Variants in GNL3L observed in about 807,000 individuals in gnomAD.
GNL3L encodes the protein guanine nucleotide-binding protein-like 3-like protein.
In GNL3L, 4 loss-of-function variants were observed where a neutral mutation model predicts 42.9. The ratio of observed to expected loss-of-function variants is 0.09; its 90% CI spans 0.05 to 0.21. The LOEUF is 0.21. Among genes scored for constraint, GNL3L ranks in the 10% least tolerant of loss-of-function variants. The pLI is 1.00. For synonymous variants in GNL3L, 159 were observed against 176.3 expected (o/e 0.90, Z 0.78); for missense variants, 412 against 481.7 (o/e 0.86, Z 1.36).
intron 16 of GNL3L, among the ~76,000 whole-genome samples, chrX:54,579,181 C>G (rs192627176): frequency 1.8e-5 from 2 of 111,432 alleles, no homozygotes; most frequent in Admixed American, 9.6e-5. Context: ...TTTTTATTCT[C>G]TTAACCATGT....
At chrX:54,582,132 A>G (rs1925724080) in intron 16 of GNL3L, among the ~76,000 whole-genome samples, 2 of 110,990 alleles carry the variant, frequency 1.8e-5, no homozygotes, top group South Asian at 7.7e-4. Context: ...AATAGCTTAA[A>G]TCTCCCCCTT....
At chrX:54,636,764 A>G in the GNL3L span, among the ~76,000 whole-genome samples, 3,103 of 111,767 alleles carry the variant, frequency 0.028, 108 homozygotes, top group African/African-American at 0.097. Flanking sequence ...TCTTTATCCA[A>G]TCCACTGTTG....
the GNL3L span, among the ~76,000 whole-genome samples, chrX:54,642,762 C>G: frequency 7.2e-5 from 8 of 111,437 alleles, no homozygotes; most frequent in African/African-American, 2.6e-4. Flanking sequence ...CCCTGCATAG[C>G]CCTTGTCACT....
chrX:54,543,360 T>C lies in GNL3L; in HGVS notation c.526+18T>C. 2 of 1,207,982 alleles carry C rather than the reference T, an allele frequency of 1.7e-6. No homozygotes were observed. Among genetic ancestry groups the C allele is most frequent in the South Asian group, 1.8e-5 (1 of 56,740 alleles). On this transcript the variant is annotated intron_variant, in intron 7 of 15. Transcript: ENST00000360845. The stretch of plus-strand genomic sequence containing the variant: ...CAAGATTGGTGGGTGTTAGGCAGGA[T>C]TGGGTGTGACAGGGAAGGTGGGCAG...
chrX:54,530,563 T>C (rs1389884763), intron 1 of GNL3L, 144 bp downstream of exon 1: 1 of 111,592 alleles, frequency 9.0e-6, no homozygotes, highest in East Asian at 2.9e-4. Context: ...TAGAAAGGTG[T>C]AGACCCGGGA....
At chrX:54,591,263 C>T (rs1439809348) in intron 16 of GNL3L, among the ~76,000 whole-genome samples, 1 of 110,802 alleles carries the variant, frequency 9.0e-6, no homozygotes, top group Non-Finnish European at 1.9e-5. Flanking sequence ...AGACTGTCTT[C>T]CCCCCAGTGT....
rs555296866 is a variant in GNL3L, at chrX:54,566,234, G to A, written c.*5632G>A. 1.1e-3 allele frequency among the ~76,000 whole-genome samples: 124 copies of A among 111,465 alleles called. No individual in the cohort carries two copies. The highest frequency in any genetic ancestry group is 3.9e-3 in the African/African-American group (120 of 30,707). ...ATGGTAAAATACACAGAACATAAAC[G>A]TTACCATCTGATATGGTTTGGCTGT... On this transcript the variant is annotated 3_prime_UTR_variant, in exon 16 of 16. Coordinates refer to ENST00000360845, the MANE Select transcript of GNL3L (RefSeq NM_001184819.2).
chrX:54,628,978 A>AATATAATTTATATATAAAAATTATATAT, the GNL3L span, among the ~76,000 whole-genome samples: 1 of 99,554 alleles, frequency 1.0e-5, no homozygotes, highest in African/African-American at 3.9e-5. Flanking sequence ...ATAATTATAA[A>AATATAATTTATATATAAAAATTATATAT]ATATAATTTA....
chrX:54,551,901 T>C lies in GNL3L; in HGVS notation c.1108T>C (p.Leu370=). The change falls in exon 12 of 16, where the codon TTG becomes CTG. Residue 370 remains leucine, a synonymous_variant. Transcript: ENST00000360845. ...CTTTCTGACGGCAGTGGCCCACCGT[T>C]TGGGGAAGAAGAAGAAGGGAGGCTT... ...EHFLTAVAHR[L]GKKKKGGLYS... 8.3e-7 allele frequency: 1 copy of C among 1,210,783 alleles called. No homozygotes were observed. The highest frequency in any genetic ancestry group is 1.1e-6 in the Non-Finnish European group (1 of 894,498).
Position 54,552,286 on chromosome X carries a change from A to G in GNL3L, c.1182-6A>G, listed in dbSNP as rs1253188885. The G allele has an allele frequency of 3.3e-6, 4 of 1,206,089 alleles. No individual in the cohort carries two copies. The highest frequency in any genetic ancestry group is 3.4e-6 in the Non-Finnish European group (3 of 890,413). On this transcript the variant is annotated splice_region_variant and splice_polypyrimidine_tract_variant and intron_variant, in intron 12 of 15. Transcript: ENST00000360845. ...CACCACTCATCTCCCCTATCTCCCA[A>G]TGCAGCGGGAAGATCAGCTTCTATA...
chrX:54,622,012 A>G (rs1985418703), downstream of GNL3L, among the ~76,000 whole-genome samples: 1 of 110,863 alleles, frequency 9.0e-6, no homozygotes, highest in Non-Finnish European at 1.9e-5. Context: ...ATTTCAACAT[A>G]CAAAGCACAC....
intron 16 of GNL3L, among the ~76,000 whole-genome samples, chrX:54,573,293 C>T (rs1169006375): frequency 7.9e-5 from 9 of 113,335 alleles, no homozygotes; most frequent in African/African-American, 2.6e-4. Flanking sequence ...TCTGCAATCC[C>T]GGCACCTCGG....
chrX:54,587,497 C>A (rs1047714720), intron 16 of GNL3L, among the ~76,000 whole-genome samples: 1 of 110,500 alleles, frequency 9.0e-6, no homozygotes, highest in Admixed American at 9.7e-5. Flanking sequence ...GAGATAATTA[C>A]CTTTTTAAAA....
chrX:54,540,056 C>T (rs1924561325), intron 3 of GNL3L, 79 bp from the exon 4 acceptor site: 1 of 591,910 alleles, frequency 1.7e-6, no homozygotes, highest in East Asian at 3.4e-5. Flanking sequence ...TGTCTTCCTT[C>T]TAGGGCTTCT....
downstream of GNL3L, among the ~76,000 whole-genome samples, chrX:54,622,210 T>G (rs1464668635): frequency 9.1e-6 from 1 of 110,489 alleles, no homozygotes; most frequent in Non-Finnish European, 1.9e-5. Flanking sequence ...GTCTTTTTGT[T>G]GAGAAATATC....
intron 16 of GNL3L, among the ~76,000 whole-genome samples, chrX:54,596,122 C>T (rs973623792): frequency 8.9e-6 from 1 of 111,779 alleles, no homozygotes; most frequent in Non-Finnish European, 1.9e-5. Flanking sequence ...GGCCTTCATA[C>T]TTGTATATGT....
At chrX:54,534,272 G>A (rs867062901) in intron 2 of GNL3L, among the ~76,000 whole-genome samples, 25 of 108,656 alleles carry the variant, frequency 2.3e-4, no homozygotes, top group African/African-American at 8.2e-4. Flanking sequence ...ACTGACCCCC[G>A]GATAAACGTG....
the GNL3L span, among the ~76,000 whole-genome samples, chrX:54,634,709 G>A: frequency 3.4e-4 from 34 of 100,999 alleles, 1 homozygote; most frequent in Non-Finnish European, 1.4e-4. Context: ...GGATGACCTC[G>A]ATCTCCTGAC....
At position 54,593,630 on chromosome X, in the gene GNL3L, T is replaced by C. The variant is rs145784672; in HGVS notation, c.*46-27215T>C. Reference sequence around the variant, plus strand: ...TTCTGCTCTGGTCCTTATCATTTCTTTTCTTCTACTAATTTTGTGTTTGGT... The same window carrying C: ...TTCTGCTCTGGTCCTTATCATTTCTCTTCTTCTACTAATTTTGTGTTTGGT... On this transcript the variant is annotated intron_variant, in intron 16 of 16. Transcript: ENST00000674498. 8.3e-3 allele frequency among the ~76,000 whole-genome samples: 925 copies of C among 111,251 alleles called. 7 individuals are homozygous for C. Among genetic ancestry groups the C allele is most frequent in the African/African-American group, 0.029 (897 of 30,757 alleles).
Sources: allele counts gnomAD v4.1 joint callset (sites outside exome capture counted in the v4.1 genomes callset), GRCh38; gene constraint gnomAD v4.1.1; transcripts MANE v1.5; gene names NCBI Gene and HGNC (gene_info 2026-07-23, HGNC 2026-07-21).